SPTLC3: variants seen among roughly 807,000 people sequenced by gnomAD.
The protein encoded by SPTLC3 is serine palmitoyltransferase 3.
A neutral mutation model predicts 59.3 loss-of-function variants in SPTLC3; 36 were observed. That is an observed-to-expected ratio of 0.61 (90% confidence interval 0.47 to 0.80). The LOEUF (loss-of-function observed/expected upper bound fraction) is 0.80, where lower values mean the gene tolerates loss of function less well. Ranked by LOEUF, SPTLC3 falls within the 30% of genes least tolerant of loss-of-function variation. SPTLC3 has a pLI of 0.00. For synonymous variants in SPTLC3, 257 were observed against 240.8 expected, an observed-to-expected ratio of 1.07 and a Z score of -0.62; for missense variants, 625 against 685.1, an observed-to-expected ratio of 0.91 and a Z score of 0.98.
chr20:13,053,887 A>G (rs1987606531), intron 2 of SPTLC3, among the ~76,000 whole-genome samples: 2 of 152,200 alleles, frequency 1.3e-5, no homozygotes, highest in South Asian at 4.1e-4. Flanking sequence ...ATATGGGACT[A>G]TGTGAAAAGA....
chr20:13,092,599 C>T lies in SPTLC3; in HGVS notation c.733-885C>T, dbSNP rs1281960801. On this transcript the variant is annotated intron_variant, in intron 5 of 11. Transcript: ENST00000399002. ...TTGTGATTTTTTATAGGAGAATGTCCTGTTCTTAGGGAAGGTGAGGTAGAG... is the reference window on the plus strand; with the variant it reads ...TTGTGATTTTTTATAGGAGAATGTCTTGTTCTTAGGGAAGGTGAGGTAGAG... 3.3e-5 allele frequency among the ~76,000 whole-genome samples: 5 copies of T among 152,086 alleles called. No individual in the cohort carries two copies. In the East Asian group the frequency reaches 9.7e-4, roughly 29 times the overall value.
At chr20:13,163,768 C>G (rs1385889411) in intron 11 of SPTLC3, among the ~76,000 whole-genome samples, 1 of 152,110 alleles carries the variant, frequency 6.6e-6, no homozygotes, top group African/African-American at 2.4e-5. Flanking sequence ...CTCACCTTAC[C>G]TTTTCAAAGC....
intron 2 of SPTLC3, among the ~76,000 whole-genome samples, chr20:13,063,903 G>T (rs142416190): frequency 0.017 from 2,608 of 152,104 alleles, 72 homozygotes; most frequent in African/African-American, 0.059. Context: ...TGATACGCCC[G>T]CCTCGGCCTC....
At chr20:13,039,858 C>T (rs1175868704) in intron 1 of SPTLC3, among the ~76,000 whole-genome samples, 1 of 151,904 alleles carries the variant, frequency 6.6e-6, no homozygotes, top group African/African-American at 2.4e-5. Flanking sequence ...AACTTAAATC[C>T]AGTGATATAT....
Position 13,009,321 on chromosome 20 carries a change from G to GAA in SPTLC3, c.56_57dup (p.Gln20AsnfsTer16). 1 of 1,614,050 alleles carries GAA rather than the reference G, an allele frequency of 6.2e-7. No individual in the cohort carries two copies. Among genetic ancestry groups the GAA allele is most frequent in the African/African-American group, 1.3e-5 (1 of 75,020 alleles). ...GCAACGGGAAACTTCACAATCACAA[G>GAA]AAACAGAGCAATGGCTCACAAAGCA... On this transcript the variant is annotated frameshift_variant, in exon 1 of 12. Transcript: ENST00000399002. LOFTEE classifies it high-confidence loss of function.
intron 9 of SPTLC3, among the ~76,000 whole-genome samples, chr20:13,133,283 C>T (rs1164458505): frequency 6.6e-6 from 1 of 152,192 alleles, no homozygotes; most frequent in African/African-American, 2.4e-5. Context: ...GAGATTTCTG[C>T]ATGACATGCT....
chr20:13,093,590 G>C lies in SPTLC3; in HGVS notation c.826+13G>C, dbSNP rs114324835. 19 of 1,609,708 alleles carry C rather than the reference G, an allele frequency of 1.2e-5. No individual in the cohort carries two copies. The African/African-American group carries it at 2.4e-4, about 20-fold the overall frequency. Reference sequence around the variant, plus strand: ...TTCAAACACAACAGTGAGTATCAGTGTATTTTCTCAACATGTACTGGATTG... The same window carrying C: ...TTCAAACACAACAGTGAGTATCAGTCTATTTTCTCAACATGTACTGGATTG... On this transcript the variant is annotated intron_variant, in intron 6 of 11. Transcript: ENST00000399002.
chr20:13,109,671 C>T (rs963606233), intron 6 of SPTLC3, among the ~76,000 whole-genome samples: 2 of 152,152 alleles, frequency 1.3e-5, no homozygotes, highest in Non-Finnish European at 2.9e-5. Context: ...AATCAAGGCT[C>T]AAAGTGTAGG....
At chr20:13,015,329 G>A (rs1035001653) in intron 1 of SPTLC3, among the ~76,000 whole-genome samples, 26 of 152,078 alleles carry the variant, frequency 1.7e-4, no homozygotes, top group Admixed American at 1.0e-3. Context: ...ACTTAATATG[G>A]CAAGAAGCAT....
chr20:13,160,110 A>C lies in SPTLC3; in HGVS notation c.1523A>C (p.His508Pro). The part of the protein sequence containing the change: ...ARARFCVSAA[H>P]TREMLDTVLE... ...GCTCGGTTTTGTGTTTCAGCGGCAC[A>C]TACCCGGGAGATGTTAGACACGGTG... The change falls in exon 11 of 12, where the codon CAT (histidine) becomes CCT (proline). Residue 508 changes from histidine (H) to proline (P), a missense_variant. By Grantham distance (77) the His-to-Pro change is moderately conservative (BLOSUM62 -2). Coordinates refer to ENST00000399002, the MANE Select transcript of SPTLC3 (RefSeq NM_018327.4). 6.2e-7 allele frequency: 1 copy of C among 1,613,964 alleles called. No homozygotes were observed. The highest frequency in any genetic ancestry group is 8.5e-7 in the Non-Finnish European group (1 of 1,179,940).
chr20:13,021,499 A>C (rs946878004), intron 1 of SPTLC3, among the ~76,000 whole-genome samples: 2 of 151,776 alleles, frequency 1.3e-5, no homozygotes, highest in Non-Finnish European at 2.9e-5. Context: ...CCTACATTCC[A>C]CATCTGCTAC....
intron 3 of SPTLC3, chr20:13,073,865 T>A (rs1484353252): frequency 7.4e-6 from 4 of 539,282 alleles, no homozygotes; most frequent in Non-Finnish European, 1.4e-5. Context: ...TCCTTTTCTT[T>A]AATAAATTCT....
Position 13,151,889 on chromosome 20 carries a change from C to A in SPTLC3, c.1280-2114C>A, listed in dbSNP as rs1436698724. ...AAGTGAAGGGGGCCCTAGACTCCAA[C>A]CTAGCGATATCCTATGCTAGTGATA... On this transcript the variant is annotated intron_variant, in intron 9 of 11. Coordinates refer to ENST00000399002, the MANE Select transcript of SPTLC3 (RefSeq NM_018327.4). Among the ~76,000 whole-genome samples the A allele has an allele frequency of 3.3e-5, 5 of 152,106 alleles. No homozygotes were observed. The East Asian group carries it at 7.7e-4, about 23-fold the overall frequency.
At chr20:13,089,653 G>A (rs188762358) in intron 4 of SPTLC3, among the ~76,000 whole-genome samples, 53 of 151,986 alleles carry the variant, frequency 3.5e-4, no homozygotes, top group African/African-American at 1.3e-3. Flanking sequence ...GGGCATGGGG[G>A]CATGCACCTG....
rs1988566026 is a variant in SPTLC3 at position 13,074,438 on chromosome 20, C to A, written c.548C>A (p.Thr183Lys). The change falls in exon 4 of 12, where the codon ACA (threonine) becomes AAA (lysine). Residue 183 changes from threonine to lysine, a missense_variant. Coordinates refer to ENST00000399002, the MANE Select transcript of SPTLC3 (RefSeq NM_018327.4). ...GCCAAGTATGATGAGTCTATGAGGA[C>A]AATAAAGGATGTTTTAGAGGTGTAT... ...LAAKYDESMR[T>K]IKDVLEVYGT... 6.2e-7 allele frequency: 1 copy of A among 1,613,898 alleles called. No individual in the cohort carries two copies. Among genetic ancestry groups the A allele is most frequent in the African/African-American group, 1.3e-5 (1 of 74,860 alleles).
chr20:13,065,391 CTAT>C (rs1568585447), intron 2 of SPTLC3, among the ~76,000 whole-genome samples: 1 of 149,782 alleles, frequency 6.7e-6, no homozygotes, highest in Non-Finnish European at 1.5e-5. Flanking sequence ...AGTTTACCTT[CTAT>C]TATTATTTAT....
At chr20:13,065,681 A>AT (rs1006487579) in intron 2 of SPTLC3, among the ~76,000 whole-genome samples, 1 of 142,644 alleles carries the variant, frequency 7.0e-6, no homozygotes. Context: ...ATCTTCTTTT[A>AT]TTTTTATTTT....
chr20:13,031,175 G>C (rs1280248226), intron 1 of SPTLC3, among the ~76,000 whole-genome samples: 2 of 152,080 alleles, frequency 1.3e-5, no homozygotes, highest in Admixed American at 6.6e-5. Flanking sequence ...CCAACTTCTG[G>C]ACAATAGAAC....
At chr20:13,147,802 T>A (rs1203261147) in intron 9 of SPTLC3, among the ~76,000 whole-genome samples, 1 of 152,216 alleles carries the variant, frequency 6.6e-6, no homozygotes, top group East Asian at 1.9e-4. Flanking sequence ...GGTCATATGC[T>A]AAATAATTGA....
Sources: gnomAD v4.1 joint callset for allele counts (sites outside exome capture counted in the v4.1 genomes callset) on GRCh38, gnomAD v4.1.1 for gene constraint, MANE v1.5 for transcripts, NCBI Gene and HGNC (gene_info 2026-07-23, HGNC 2026-07-21) for gene names.